Variants in TAFA2 observed in about 807,000 individuals in gnomAD.
TAFA2 encodes TAFA chemokine like family member 2.
Under a neutral mutation model 18.8 loss-of-function variants are expected in TAFA2, and 7 were observed. The ratio of observed to expected loss-of-function variants is 0.37; its 90% confidence interval spans 0.21 to 0.70. The LOEUF (loss-of-function observed/expected upper bound fraction) is 0.70. TAFA2 is among the 30% of genes least tolerant of loss of function. The pLI is 0.53. For missense variants in TAFA2, 122 were observed against 158.1 expected (o/e 0.77, Z 1.23); for synonymous variants, 60 against 54.2 (o/e 1.11, Z -0.47).
intron 1 of TAFA2, among the ~76,000 whole-genome samples, chr12:62,211,365 G>A (rs1196404235): frequency 6.6e-6 from 1 of 152,150 alleles, no homozygotes; most frequent in Non-Finnish European, 1.5e-5. Flanking sequence ...GGATCAAGGA[G>A]GTCAGGACAT....
intron 4 of TAFA2, among the ~76,000 whole-genome samples, chr12:61,727,304 T>C (rs1174438822): frequency 6.6e-6 from 1 of 151,910 alleles, no homozygotes; most frequent in Admixed American, 6.6e-5. Context: ...TTGGTACCAA[T>C]TCTTCTTTGT....
At chr12:61,985,611 C>A (rs1879785604) in intron 1 of TAFA2, among the ~76,000 whole-genome samples, 1 of 152,142 alleles carries the variant, frequency 6.6e-6, no homozygotes, top group Non-Finnish European at 1.5e-5. Context: ...CACAAAAATT[C>A]ATTTAAAAAT....
intron 1 of TAFA2, among the ~76,000 whole-genome samples, chr12:62,222,879 C>T (rs943243934): frequency 6.6e-6 from 1 of 152,026 alleles, no homozygotes; most frequent in African/African-American, 2.4e-5. Context: ...TGTACACACA[C>T]AGCAACCAAT....
chr12:61,904,644 C>T lies in TAFA2; in HGVS notation c.-1-37218G>A, dbSNP rs550231934. ...CAACATACTCAGCAAAAAGAAAAGA[C>T]TCAGTAAATAACCTGTTTTTATAAT... On this transcript the variant is annotated intron_variant, in intron 1 of 4. Coordinates refer to ENST00000416284, the MANE Select transcript of TAFA2 (RefSeq NM_178539.5). Among the ~76,000 whole-genome samples the T allele has an allele frequency of 4.6e-5, 7 of 152,246 alleles. No homozygotes were observed. In the East Asian group the frequency reaches 1.4e-3, roughly 29 times the overall value.
At chr12:61,836,756 T>TACATATAC (rs1872945781) in intron 2 of TAFA2, among the ~76,000 whole-genome samples, 1 of 119,848 alleles carries the variant, frequency 8.3e-6, no homozygotes, top group Non-Finnish European at 1.8e-5. Context: ...TATATATATA[T>TACATATAC]ACACACACAC....
At chr12:62,016,982 A>G (rs1261914317) in intron 1 of TAFA2, among the ~76,000 whole-genome samples, 1 of 152,236 alleles carries the variant, frequency 6.6e-6, no homozygotes, top group African/African-American at 2.4e-5. Context: ...TACCAACTCT[A>G]TAACTTTTTA....
chr12:61,793,661 A>T (rs1229428279), intron 2 of TAFA2, among the ~76,000 whole-genome samples: 1 of 151,826 alleles, frequency 6.6e-6, no homozygotes, highest in Non-Finnish European at 1.5e-5. Context: ...AATTCTACCA[A>T]GCATTTAAGG....
chr12:61,938,765 A>C (rs1192255495), intron 1 of TAFA2, among the ~76,000 whole-genome samples: 1 of 152,180 alleles, frequency 6.6e-6, no homozygotes, highest in Admixed American at 6.5e-5. Context: ...AGCAACTTGG[A>C]TAGAGCTAGA....
rs201284518 is a variant in TAFA2 at position 62,251,256 on chromosome 12, G to GCTTT, written c.-130+7506_-130+7507insAAAG. On this transcript the variant is annotated intron_variant, in intron 1 of 5. Transcript: ENST00000551619. ...AATACTATGGAATACAGAACATGCA[G>GCTTT]ATCTAGTAAACTTGTGAATTTGGAT... is the stretch of plus-strand genomic sequence containing the variant. Among the ~76,000 whole-genome samples, 16 of 152,270 alleles carry GCTTT rather than the reference G, an allele frequency of 1.1e-4. No homozygotes were observed. The East Asian group carries it at 3.1e-3, about 29-fold the overall frequency.
upstream of TAFA2, among the ~76,000 whole-genome samples, chr12:62,196,339 A>T (rs1279304138): frequency 1.3e-5 from 2 of 152,088 alleles, no homozygotes; most frequent in African/African-American, 4.8e-5. Flanking sequence ...AGCACTTTTC[A>T]TTTCCTTCTT....
intron 1 of TAFA2, among the ~76,000 whole-genome samples, chr12:62,011,012 G>A (rs1444904799): frequency 7.3e-6 from 1 of 136,224 alleles, no homozygotes; most frequent in Non-Finnish European, 1.6e-5. Flanking sequence ...GGAAGTGGGG[G>A]GCGCCTCTGC....
rs1024454068 is a variant in TAFA2 at position 62,179,490 on chromosome 12, G to A, written c.-2+11769C>T. On this transcript the variant is annotated intron_variant, in intron 1 of 4. Transcript: ENST00000416284. The stretch of plus-strand genomic sequence containing the variant: ...TTCCAAGGGCTGATAGCTATCTGTG[G>A]CAGTGTCAGAACTGGAACTCATTAT... Among the ~76,000 whole-genome samples, 8 of 152,132 alleles carry A rather than the reference G, an allele frequency of 5.3e-5. No homozygotes were observed. The South Asian group carries it at 8.3e-4, about 16-fold the overall frequency.
chr12:61,774,714 C>G (rs1422662481), intron 2 of TAFA2, among the ~76,000 whole-genome samples: 1 of 151,408 alleles, frequency 6.6e-6, no homozygotes, highest in African/African-American at 2.4e-5. Flanking sequence ...ATATTGGGTA[C>G]AGTGTACACT....
In TAFA2 at chr12:61,933,085, A is replaced by C. The variant is rs182317918; in HGVS notation, c.-1-65659T>G. ...TCCCCCAAACTACATCTACATAGTGAAAAAAGACCAAAGGAGTTCAGGGTA... is the reference window on the plus strand; with the variant it reads ...TCCCCCAAACTACATCTACATAGTGCAAAAAGACCAAAGGAGTTCAGGGTA... On this transcript the variant is annotated intron_variant, in intron 1 of 4. Coordinates refer to ENST00000416284, the MANE Select transcript of TAFA2 (RefSeq NM_178539.5). Among the ~76,000 whole-genome samples, 25 of 152,284 alleles carry C rather than the reference A, an allele frequency of 1.6e-4. No individual in the cohort carries two copies. The East Asian group carries it at 4.6e-3, about 28-fold the overall frequency.
chr12:62,009,909 AG>A (rs1880673863), intron 1 of TAFA2, among the ~76,000 whole-genome samples: 2 of 152,154 alleles, frequency 1.3e-5, no homozygotes, highest in Admixed American at 1.3e-4. Context: ...TTGGTGACAA[AG>A]TACTGTGTGT....
At chr12:62,202,004 C>A (rs2062672842) in intron 1 of TAFA2, among the ~76,000 whole-genome samples, 1 of 151,966 alleles carries the variant, frequency 6.6e-6, no homozygotes, top group Non-Finnish European at 1.5e-5. Context: ...TTATTTCTTC[C>A]AGATTTTCTA....
chr12:61,836,183 T>G (rs1872912639), intron 2 of TAFA2, among the ~76,000 whole-genome samples: 1 of 151,930 alleles, frequency 6.6e-6, no homozygotes, highest in Admixed American at 6.6e-5. Context: ...TTGTACATGT[T>G]ACTGTGATCA....
intron 1 of TAFA2, among the ~76,000 whole-genome samples, chr12:62,020,149 G>T (rs1038004401): frequency 6.6e-6 from 1 of 152,084 alleles, no homozygotes; most frequent in Non-Finnish European, 1.5e-5. Flanking sequence ...GATACTAAAT[G>T]ACTACAAATG....
intron 1 of TAFA2, among the ~76,000 whole-genome samples, chr12:62,064,805 G>T (rs1006772730): frequency 6.6e-6 from 1 of 151,918 alleles, no homozygotes; most frequent in African/African-American, 2.4e-5. Flanking sequence ...GTCAGTAATA[G>T]CTTCCAAATG....
Sources: allele counts gnomAD v4.1 joint callset (sites outside exome capture counted in the v4.1 genomes callset), GRCh38; gene constraint gnomAD v4.1.1; transcripts MANE v1.5; gene names NCBI Gene and HGNC (gene_info 2026-07-23, HGNC 2026-07-21).